Variants in CAB39 observed in about 807,000 individuals in gnomAD.
CAB39 encodes the protein calcium-binding protein 39.
In CAB39, 8 loss-of-function variants were observed where a neutral mutation model predicts 40.0. The observed-to-expected ratio is 0.20, with a 90% CI of 0.12 to 0.36. The LOEUF (loss-of-function observed/expected upper bound fraction) is 0.36. Ranked by LOEUF, CAB39 falls within the 10% of genes least tolerant of loss-of-function variation. The pLI is 1.00. For synonymous variants in CAB39, 156 were observed against 141.6 expected (o/e 1.10, Z -0.72); for missense variants, 270 against 401.1 (o/e 0.67, Z 2.79).
chr2:230,777,408 A>C (rs1034582041), intron 2 of CAB39, among the ~76,000 whole-genome samples: 33 of 142,046 alleles, frequency 2.3e-4, no homozygotes, highest in South Asian at 1.4e-3. Flanking sequence ...TCATGTGCAT[A>C]TAGATCTCAA....
intron 3 of CAB39, among the ~76,000 whole-genome samples, chr2:230,792,377 G>A (rs1695906969): frequency 1.3e-5 from 2 of 152,166 alleles, no homozygotes; most frequent in South Asian, 4.1e-4. Context: ...CTTAGAGATT[G>A]CCATTTCTGC....
In CAB39 at chr2:230,818,699, G is replaced by C. The variant is rs764847357; in HGVS notation, c.1021G>C (p.Ala341Pro). The C allele has an allele frequency of 1.2e-6, 2 of 1,612,312 alleles. No homozygotes were observed. The highest frequency in any genetic ancestry group is 1.7e-6 in the Non-Finnish European group (2 of 1,178,870). ...TTTGAAGAGACCAGCTCAGCAAGAA[G>C]CTTAATCTCCAATAAACATCTATGT... The part of the protein sequence containing the change: ...RDLKRPAQQE[A>P] The change falls in exon 9 of 9, where the codon GCT becomes CCT. Residue 341 changes from alanine to proline, a missense_variant. Transcript: ENST00000258418.
intron 2 of CAB39, among the ~76,000 whole-genome samples, chr2:230,775,727 A>G (rs1032859572): frequency 6.6e-5 from 10 of 152,132 alleles, no homozygotes; most frequent in Non-Finnish European, 1.2e-4. Flanking sequence ...GTTGTTGTCT[A>G]CTGTCTTTAC....
At chr2:230,728,807 C>T (rs1311915477) in intron 1 of CAB39, among the ~76,000 whole-genome samples, 1 of 152,060 alleles carries the variant, frequency 6.6e-6, no homozygotes. Context: ...GAGACGGGAT[C>T]TCATTTTGTT....
chr2:230,735,198 G>A lies in CAB39; in HGVS notation c.-44+21968G>A, dbSNP rs550889958. On this transcript the variant is annotated intron_variant, in intron 1 of 8. Transcript: ENST00000258418. ...TTTTTATTTTTGAGAGAGAGTTGTCGCTCTGTCACCCAGGCTGGAGTGCAG... is the reference window on the plus strand; with the variant it reads ...TTTTTATTTTTGAGAGAGAGTTGTCACTCTGTCACCCAGGCTGGAGTGCAG... Among the ~76,000 whole-genome samples the A allele has an allele frequency of 4.6e-5, 7 of 152,086 alleles. No individual in the cohort carries two copies. The South Asian group carries it at 1.0e-3, about 23-fold the overall frequency.
At chr2:230,818,437 T>C in intron 8 of CAB39, 79 bp from the exon 9 acceptor site, 1 of 1,196,500 alleles carries the variant, frequency 8.4e-7, no homozygotes, top group Non-Finnish European at 1.2e-6. Flanking sequence ...AGCTCTGCTT[T>C]TCTGCACTGT....
rs370535501 is a variant in CAB39 at position 230,814,040 on chromosome 2, A to G, written c.628-9A>G. The G allele has an allele frequency of 2.2e-5, 6 of 271,328 alleles. No individual in the cohort carries two copies. The highest frequency in any genetic ancestry group is 1.7e-4 in the South Asian group (4 of 23,376). The allele number at this position is 271,328 out of a possible 1,614,324, so 16.8% of individuals were successfully genotyped here. A position where few individuals can be genotyped will look rare whatever the true frequency, so the allele number is the denominator to read the frequency against. On this transcript the variant is annotated splice_polypyrimidine_tract_variant and intron_variant, in intron 6 of 8. Transcript: ENST00000258418. ...CAATAACCCTGATTTATGTTCTCTTATCTTTTAGTTTTTCAGTGAATATGA... is the reference window on the plus strand; with the variant it reads ...CAATAACCCTGATTTATGTTCTCTTGTCTTTTAGTTTTTCAGTGAATATGA...
At chr2:230,804,898 T>C (rs546986767) in intron 5 of CAB39, among the ~76,000 whole-genome samples, 3 of 152,166 alleles carry the variant, frequency 2.0e-5, no homozygotes, top group Non-Finnish European at 4.4e-5. Flanking sequence ...CATTACTGGG[T>C]ATATCCCCAA....
chr2:230,774,103 G>C (rs1432354411), intron 2 of CAB39, among the ~76,000 whole-genome samples: 1 of 152,076 alleles, frequency 6.6e-6, no homozygotes, highest in African/African-American at 2.4e-5. Flanking sequence ...TATTTACTAG[G>C]CTTATTACTT....
intron 1 of CAB39, among the ~76,000 whole-genome samples, chr2:230,716,709 T>G (rs1262898983): frequency 2.0e-5 from 3 of 152,206 alleles, no homozygotes; most frequent in Non-Finnish European, 2.9e-5. Flanking sequence ...CAGCCCTATT[T>G]TAAAAGGTCA....
chr2:230,760,178 T>C, intron 2 of CAB39, 63 bp downstream of exon 2: 1 of 981,332 alleles, frequency 1.0e-6, no homozygotes, highest in Non-Finnish European at 1.6e-6. Flanking sequence ...ACACCTTATA[T>C]GAGGAATCAG....
intron 2 of CAB39, among the ~76,000 whole-genome samples, chr2:230,782,365 GA>G (rs1695701903): frequency 6.6e-6 from 1 of 152,102 alleles, no homozygotes; most frequent in Non-Finnish European, 1.5e-5. Flanking sequence ...TAAAATGTGG[GA>G]GGGGGGATGT....
In CAB39 at chr2:230,713,053, C is replaced by CGCA. The variant is rs1254723519; in HGVS notation, c.-218_-216dup. 9 of 150,932 alleles carry CGCA rather than the reference C, an allele frequency of 6.0e-5. No individual in the cohort carries two copies. Among genetic ancestry groups the CGCA allele is most frequent in the Non-Finnish European group, 1.2e-4 (8 of 67,638 alleles). 9.3% of individuals were successfully genotyped at this position (150,932 alleles called of 1,614,324 possible). ...GAGCCCCTGGGCAGCCGTCCGCCCGCGCAGCCGCCGCCGCCGCGGGAGCCC... is the reference window on the plus strand; with the variant it reads ...GAGCCCCTGGGCAGCCGTCCGCCCGCGCAGCAGCCGCCGCCGCCGCGGGAGCCC... On this transcript the variant is annotated 5_prime_UTR_variant, in exon 1 of 9. Coordinates refer to ENST00000258418, the MANE Select transcript of CAB39 (RefSeq NM_016289.4).
chr2:230,732,152 G>C (rs2124875445), intron 1 of CAB39, among the ~76,000 whole-genome samples: 1 of 152,088 alleles, frequency 6.6e-6, no homozygotes, highest in African/African-American at 2.4e-5. Context: ...CGCTATCTTG[G>C]CTCACTGCAA....
At chr2:230,777,330 A>T (rs1488080532) in intron 2 of CAB39, among the ~76,000 whole-genome samples, 1 of 148,260 alleles carries the variant, frequency 6.7e-6, no homozygotes, top group Admixed American at 6.7e-5. Context: ...GTATGGGGTC[A>T]TGCTGCTCTG....
intron 1 of CAB39, among the ~76,000 whole-genome samples, chr2:230,756,024 G>T (rs1164686934): frequency 6.6e-6 from 1 of 152,156 alleles, no homozygotes; most frequent in Non-Finnish European, 1.5e-5. Context: ...CAGGCCCTTT[G>T]GAAGGCAGCG....
At chr2:230,726,538 C>A (rs1213699876) in intron 1 of CAB39, among the ~76,000 whole-genome samples, 1 of 152,008 alleles carries the variant, frequency 6.6e-6, no homozygotes, top group Non-Finnish European at 1.5e-5. Context: ...TGCTTTGGCA[C>A]ATAAGTCACA....
intron 2 of CAB39, among the ~76,000 whole-genome samples, chr2:230,788,071 A>G (rs1695825315): frequency 6.6e-6 from 1 of 152,246 alleles, no homozygotes; most frequent in Non-Finnish European, 1.5e-5. Flanking sequence ...TCCTCTAAGT[A>G]CTGCTTAACG....
chr2:230,738,569 GT>G (rs1404478407), intron 1 of CAB39, among the ~76,000 whole-genome samples: 1 of 152,204 alleles, frequency 6.6e-6, no homozygotes, highest in African/African-American at 2.4e-5. Flanking sequence ...TGGGTAGAAT[GT>G]TCTATGTGAT....
Sources: allele counts gnomAD v4.1 joint callset (sites outside exome capture counted in the v4.1 genomes callset), GRCh38; gene constraint gnomAD v4.1.1; transcripts MANE v1.5; gene names NCBI Gene and HGNC (gene_info 2026-07-23, HGNC 2026-07-21).